FLACC1: variants seen among roughly 807,000 people sequenced by gnomAD.
The protein encoded by FLACC1 is flagellum associated containing coiled-coil domains 1, also known as flagellum-associated coiled-coil domain-containing protein 1.
A neutral mutation model predicts 62.8 loss-of-function variants in FLACC1; 66 were observed. That is an observed-to-expected ratio of 1.05 (90% CI 0.86 to 1.29). The LOEUF (loss-of-function observed/expected upper bound fraction) is 1.29. Among genes scored for constraint, FLACC1 ranks in the 50% most tolerant of loss-of-function variants. The pLI is 0.00. For synonymous variants in FLACC1, 156 were observed against 161.0 expected, an observed-to-expected ratio of 0.97 and a Z score of 0.24; for missense variants, 452 against 489.1, an observed-to-expected ratio of 0.92 and a Z score of 0.71.
chr2:201,348,071 T>G (rs906011465), intron 4 of FLACC1, 183 bp downstream of exon 4: 2 of 519,742 alleles, frequency 3.8e-6, no homozygotes, highest in Admixed American at 3.7e-5. Flanking sequence ...CTAGCTGAGC[T>G]GAGTTCAAGT....
chr2:201,297,241 A>G (rs1002056307), intron 12 of FLACC1, among the ~76,000 whole-genome samples: 1 of 152,154 alleles, frequency 6.6e-6, no homozygotes, highest in Admixed American at 6.5e-5. Context: ...ACAAGCCTGG[A>G]GCTCAGGAGA....
intron 9 of FLACC1, among the ~76,000 whole-genome samples, chr2:201,320,236 A>G (rs1249067847): frequency 6.6e-6 from 1 of 152,230 alleles, no homozygotes; most frequent in Non-Finnish European, 1.5e-5. Flanking sequence ...AGAAGCCTCC[A>G]ACTGGGTTTC....
At chr2:201,308,315 T>C (rs1288599894) in intron 10 of FLACC1, among the ~76,000 whole-genome samples, 1 of 152,178 alleles carries the variant, frequency 6.6e-6, no homozygotes, top group Non-Finnish European at 1.5e-5. Context: ...ACTAGAATTC[T>C]AGGTAAAGCC....
chr2:201,350,721 C>A lies in FLACC1; in HGVS notation c.175G>T (p.Val59Phe). Residue 59 changes from valine to phenylalanine, a missense_variant, in exon 3 of 15, where the codon GTT becomes TTT. By Grantham distance (50) the Val-to-Phe change is conservative. Coordinates refer to ENST00000392257, the MANE Select transcript of FLACC1 (RefSeq NM_001127391.3). ...HNYLQPTKPVVSPKMKIHSAR... is the reference protein window; with the variant it reads ...HNYLQPTKPVFSPKMKIHSAR... The stretch of plus-strand genomic sequence containing the variant: ...CAAAACAATACTTACTTTGGGGAAA[C>A]AACAGGTTTTGTTGGTTGGAGGTAA... 1 of 1,562,300 alleles carries A rather than the reference C, an allele frequency of 6.4e-7. No homozygotes were observed. The highest frequency in any genetic ancestry group is 8.7e-7 in the Non-Finnish European group (1 of 1,153,838).
At chr2:201,289,064 C>T (rs553271862) in intron 14 of FLACC1, among the ~76,000 whole-genome samples, 30 of 152,318 alleles carry the variant, frequency 2.0e-4, no homozygotes, top group African/African-American at 7.0e-4. Flanking sequence ...GGTAACAGTA[C>T]ACCTTCTGAT....
rs916301752 is a variant in FLACC1 at position 201,351,464 on chromosome 2, A to G, written c.-47-13T>C. ...CAGGAGGCTCTTGCTGAAATTGAAA[A>G]ACAACAGCAGAAGGTTAAACCATTT... On this transcript the variant is annotated splice_polypyrimidine_tract_variant and intron_variant, in intron 1 of 14. Coordinates refer to ENST00000392257, the MANE Select transcript of FLACC1 (RefSeq NM_001127391.3). The G allele has an allele frequency of 1.6e-6, 2 of 1,287,612 alleles. No homozygotes were observed. The highest frequency in any genetic ancestry group is 2.9e-5 in the African/African-American group (2 of 68,132). The allele number at this position is 1,287,612 out of a possible 1,614,324, so 79.8% of individuals were successfully genotyped here.
rs1016120640 is a variant in FLACC1, at chr2:201,288,478, G to A, written c.*177C>T. 1.6e-5 allele frequency: 11 copies of A among 691,064 alleles called. No homozygotes were observed. Among genetic ancestry groups the A allele is most frequent in the East Asian group, 2.8e-5 (1 of 35,218 alleles). 42.8% of individuals were successfully genotyped at this position (691,064 alleles called of 1,614,324 possible). A position where few individuals can be genotyped will look rare whatever the true frequency, so the allele number is the denominator to read the frequency against. ...AGCATCATTTTTCAGTGAAGAGTCCGTGATAAGCTGTGAAATTCAGATGCG... is the reference window on the plus strand; with the variant it reads ...AGCATCATTTTTCAGTGAAGAGTCCATGATAAGCTGTGAAATTCAGATGCG... On this transcript the variant is annotated 3_prime_UTR_variant, in exon 15 of 15. Transcript: ENST00000392257.
rs1421335768 is a variant in FLACC1, at chr2:201,346,901, G to C, written c.235-226C>G. ...TCCCTAGGGGCCTCTCAAGCTCTGC[G>C]CCAAACCAAGCCACTGATGCCCCTG... On this transcript the variant is annotated intron_variant, in intron 4 of 14. Coordinates refer to ENST00000392257, the MANE Select transcript of FLACC1 (RefSeq NM_001127391.3). This position sits in a 1 kb window ranked among gnomAD's most constrained non-coding sequence, Gnocchi z 4.0. Among the ~76,000 whole-genome samples the C allele has an allele frequency of 6.6e-6, 1 of 152,060 alleles. No homozygotes were observed. The highest frequency in any genetic ancestry group is 6.5e-5 in the Admixed American group (1 of 15,270).
Position 201,289,761 on chromosome 2 carries a change from G to A in FLACC1, c.967C>T (p.Gln323Ter). The A allele has an allele frequency of 6.2e-7, 1 of 1,614,192 alleles. No individual in the cohort carries two copies. Among genetic ancestry groups the A allele is most frequent in the Non-Finnish European group, 8.5e-7 (1 of 1,180,036 alleles). Reference protein sequence around the residue: ...KEVMQEELHAQALILESLNTN... With the variant: ...KEVMQEELHA ...TTCAGTGACTCTAGGATAAGGGCTT[G>A]TGCATGCAATTCTTCCTGCATGACC... The change falls in exon 13 of 15, where the codon CAA becomes TAA. Residue 323 changes from glutamine to a stop codon, truncating the protein, a stop_gained. Transcript: ENST00000392257. LOFTEE classifies it high-confidence loss of function.
At chr2:201,292,375 C>G (rs990550758) in intron 12 of FLACC1, among the ~76,000 whole-genome samples, 1 of 152,222 alleles carries the variant, frequency 6.6e-6, no homozygotes, top group African/African-American at 2.4e-5. Context: ...CAATATTCAA[C>G]ATTCTTAAAG....
upstream of FLACC1, among the ~76,000 whole-genome samples, chr2:201,361,942 C>T (rs928549813): frequency 1.3e-5 from 2 of 152,232 alleles, no homozygotes; most frequent in African/African-American, 2.4e-5. Context: ...ATTGCTGGCA[C>T]CATGACCTGC....
intron 7 of FLACC1, among the ~76,000 whole-genome samples, chr2:201,337,344 C>T (rs552075666): frequency 6.6e-6 from 1 of 152,242 alleles, no homozygotes; most frequent in African/African-American, 2.4e-5. Flanking sequence ...TAGTTTCACC[C>T]TTCTGCATAT....
chr2:201,319,546 A>C (rs977876875), intron 9 of FLACC1, among the ~76,000 whole-genome samples: 1 of 152,236 alleles, frequency 6.6e-6, no homozygotes, highest in African/African-American at 2.4e-5. Flanking sequence ...CTGCACAGCA[A>C]AAAAACCCGT....
chr2:201,352,119 T>G (rs1951039235), intron 1 of FLACC1: 1 of 152,240 alleles, frequency 6.6e-6, no homozygotes, highest in Non-Finnish European at 1.5e-5. Context: ...GTTGCAGAGC[T>G]GGAAACAAAC....
chr2:201,295,959 G>C (rs2125540404), intron 12 of FLACC1, among the ~76,000 whole-genome samples: 1 of 152,290 alleles, frequency 6.6e-6, no homozygotes, highest in South Asian at 2.1e-4. Flanking sequence ...AAACCACAAT[G>C]AGATACCATC....
chr2:201,308,189 G>A (rs1205465737), intron 10 of FLACC1, among the ~76,000 whole-genome samples: 25 of 152,200 alleles, frequency 1.6e-4, no homozygotes, highest in Admixed American at 1.6e-3. Flanking sequence ...TGGATGGTGA[G>A]CAGCTGAATT....
intron 3 of FLACC1, among the ~76,000 whole-genome samples, chr2:201,349,168 CT>C (rs1311480553): frequency 6.6e-6 from 1 of 152,186 alleles, no homozygotes. Flanking sequence ...ACCTTGTTAC[CT>C]TCTTTGAGCT....
At chr2:201,344,358 G>A (rs936492171) in intron 5 of FLACC1, 95 bp from the exon 6 acceptor site, 5 of 1,022,218 alleles carry the variant, frequency 4.9e-6, no homozygotes, top group Middle Eastern at 2.1e-4. Flanking sequence ...GGTGAGAGCT[G>A]GCCTGGTGAG....
chr2:201,344,391 C>A (rs1950873306), intron 5 of FLACC1, 128 bp from the exon 6 acceptor site: 9 of 682,536 alleles, frequency 1.3e-5, no homozygotes, highest in Admixed American at 5.0e-5. Flanking sequence ...TCTGCACCTG[C>A]TCTATCATTA....
Sources: allele counts gnomAD v4.1 joint callset (sites outside exome capture counted in the v4.1 genomes callset), GRCh38; gene constraint gnomAD v4.1.1; non-coding constraint Gnocchi (gnomAD v3.1); transcripts MANE v1.5; gene names NCBI Gene and HGNC (gene_info 2026-07-23, HGNC 2026-07-21).